The following HS6ST3 variants were observed in gnomAD, a reference collection of about 807,000 sequenced individuals.
The protein encoded by HS6ST3 is heparan sulfate 6-O-sulfotransferase 3, also known as heparan-sulfate 6-O-sulfotransferase 3.
A neutral mutation model predicts 36.7 loss-of-function variants in HS6ST3; 12 were observed. The ratio of observed to expected loss-of-function variants is 0.33; its 90% confidence interval spans 0.21 to 0.53. The LOEUF is 0.53. Among genes scored for constraint, HS6ST3 ranks in the 20% least tolerant of loss-of-function variants. The pLI, the probability that HS6ST3 is intolerant of heterozygous loss-of-function variation, is 0.95. For synonymous variants in HS6ST3, 240 were observed against 257.5 expected, an observed-to-expected ratio of 0.93 and a Z score of 0.65; for missense variants, 584 against 640.9, an observed-to-expected ratio of 0.91 and a Z score of 0.96.
At chr13:96,669,121 T>A (rs2056674940) in intron 1 of HS6ST3, among the ~76,000 whole-genome samples, 2 of 152,192 alleles carry the variant, frequency 1.3e-5, no homozygotes, top group Admixed American at 1.3e-4. Flanking sequence ...TGAAGGGCAC[T>A]GTGTATTCAA....
intron 1 of HS6ST3, among the ~76,000 whole-genome samples, chr13:96,783,120 G>T (rs1877565677): frequency 6.6e-6 from 1 of 152,178 alleles, no homozygotes; most frequent in Admixed American, 6.6e-5. Flanking sequence ...ATCTTAGGAA[G>T]ATTCATGAAC....
intron 1 of HS6ST3, among the ~76,000 whole-genome samples, chr13:96,345,797 G>A (rs1274339586): frequency 6.6e-6 from 1 of 152,024 alleles, no homozygotes; most frequent in Non-Finnish European, 1.5e-5. Context: ...AAATTGTCTT[G>A]GGCCACACAT....
intron 1 of HS6ST3, among the ~76,000 whole-genome samples, chr13:96,453,355 G>A (rs7335367): frequency 0.047 from 7,119 of 151,996 alleles, 397 homozygotes; most frequent in African/African-American, 0.13. Flanking sequence ...CTCACCTTTT[G>A]GAGTCTCCAA....
intron 1 of HS6ST3, among the ~76,000 whole-genome samples, chr13:96,614,733 G>T (rs2056468270): frequency 6.6e-6 from 1 of 152,052 alleles, no homozygotes; most frequent in African/African-American, 2.4e-5. Flanking sequence ...CATTTTACAG[G>T]CATTTAAAAA....
chr13:96,829,385 A>G lies in HS6ST3; in HGVS notation c.708-3105A>G, dbSNP rs553242343. ...ATGTGCAGGTTTGTTACACAGGTAA[A>G]CTTGTATCATGGGTGTTTGTTGTAC... On this transcript the variant is annotated intron_variant, in intron 1 of 1. Transcript: ENST00000376705. Among the ~76,000 whole-genome samples, 21 of 152,032 alleles carry G rather than the reference A, an allele frequency of 1.4e-4. 1 individual carries two copies. Among genetic ancestry groups the G allele is most frequent in the African/African-American group, 4.8e-4 (20 of 41,456 alleles).
intron 1 of HS6ST3, among the ~76,000 whole-genome samples, chr13:96,426,892 G>T (rs1467844136): frequency 1.3e-5 from 2 of 152,096 alleles, no homozygotes; most frequent in Non-Finnish European, 1.5e-5. Flanking sequence ...CTTTTGCAAG[G>T]GTTTTAGTTC....
chr13:96,613,294 G>T (rs915544057), intron 1 of HS6ST3, among the ~76,000 whole-genome samples: 1 of 152,174 alleles, frequency 6.6e-6, no homozygotes, highest in Admixed American at 6.5e-5. Context: ...TATGCCATAG[G>T]TGGTAACATT....
chr13:96,277,855 A>AT (rs1566309560), intron 1 of HS6ST3, among the ~76,000 whole-genome samples: 2 of 152,214 alleles, frequency 1.3e-5, no homozygotes, highest in African/African-American at 4.8e-5. Flanking sequence ...CATGGGAAAC[A>AT]TAACAGTGAC....
intron 1 of HS6ST3, among the ~76,000 whole-genome samples, chr13:96,173,008 G>A: frequency 6.6e-6 from 1 of 152,072 alleles, no homozygotes; most frequent in East Asian, 1.9e-4. Flanking sequence ...TTGTTTTAAG[G>A]GCTGCAGATA....
chr13:96,827,060 A>C (rs1160943251), intron 1 of HS6ST3, among the ~76,000 whole-genome samples: 1 of 152,214 alleles, frequency 6.6e-6, no homozygotes, highest in Admixed American at 6.5e-5. Flanking sequence ...ACAAAAAGCT[A>C]TCTGTCTGAG....
At chr13:96,550,024 C>T (rs758818891) in intron 1 of HS6ST3, among the ~76,000 whole-genome samples, 1 of 152,164 alleles carries the variant, frequency 6.6e-6, no homozygotes, top group Non-Finnish European at 1.5e-5. Flanking sequence ...CCTTTAAAAG[C>T]ATCACATAGT....
At chr13:96,692,025 A>G (rs998797480) in intron 1 of HS6ST3, among the ~76,000 whole-genome samples, 3 of 152,154 alleles carry the variant, frequency 2.0e-5, no homozygotes, top group African/African-American at 7.2e-5. Flanking sequence ...TAACTAAATC[A>G]TGTTTATTAT....
At chr13:96,245,465 G>A (rs2054580355) in intron 1 of HS6ST3, among the ~76,000 whole-genome samples, 1 of 152,082 alleles carries the variant, frequency 6.6e-6, no homozygotes, top group Non-Finnish European at 1.5e-5. Context: ...GCCCATTCAT[G>A]GTGTCTACTT....
At chr13:96,241,786 C>CTT (rs1235986148) in intron 1 of HS6ST3, among the ~76,000 whole-genome samples, 154 of 131,402 alleles carry the variant, frequency 1.2e-3, no homozygotes, top group African/African-American at 3.3e-3. Context: ...TTTTTTCTTT[C>CTT]TTTTTTTTTT....
intron 1 of HS6ST3, among the ~76,000 whole-genome samples, chr13:96,133,860 T>C (rs1457467150): frequency 8.0e-6 from 1 of 125,674 alleles, no homozygotes; most frequent in Non-Finnish European, 1.7e-5. Flanking sequence ...TTTTTTTTTT[T>C]AGTAGTTTTA....
chr13:96,746,259 A>G (rs1876559078), intron 1 of HS6ST3, among the ~76,000 whole-genome samples: 1 of 152,128 alleles, frequency 6.6e-6, no homozygotes. Context: ...TTGAAAGCTT[A>G]AAAAGGTTAA....
chr13:96,727,589 A>G (rs917866269), intron 1 of HS6ST3, among the ~76,000 whole-genome samples: 1 of 152,164 alleles, frequency 6.6e-6, no homozygotes, highest in African/African-American at 2.4e-5. Context: ...AACTGCCCGA[A>G]TAAAAAATAA....
At chr13:96,691,320 G>A (rs1216879736) in intron 1 of HS6ST3, among the ~76,000 whole-genome samples, 1 of 152,072 alleles carries the variant, frequency 6.6e-6, no homozygotes, top group Non-Finnish European at 1.5e-5. Flanking sequence ...GCTTCAATAT[G>A]TCCCTAGCCT....
intron 1 of HS6ST3, among the ~76,000 whole-genome samples, chr13:96,787,394 G>T (rs949296846): frequency 1.3e-5 from 2 of 151,818 alleles, no homozygotes; most frequent in Non-Finnish European, 2.9e-5. Flanking sequence ...ATCCTTCCCA[G>T]CATTTGTCAT....
Sources: allele counts gnomAD v4.1 joint callset (sites outside exome capture counted in the v4.1 genomes callset), GRCh38; gene constraint gnomAD v4.1.1; transcripts MANE v1.5; gene names NCBI Gene and HGNC (gene_info 2026-07-23, HGNC 2026-07-21).